ZPLD1: variants seen among roughly 807,000 people sequenced by gnomAD.
The protein encoded by ZPLD1 is zona pellucida like domain containing 1, also known as zona pellucida-like domain-containing protein 1.
Under a neutral mutation model 47.2 loss-of-function variants are expected in ZPLD1, and 34 were observed. That is an observed-to-expected ratio of 0.72 (90% CI 0.55 to 0.96). The LOEUF is 0.96. Among genes scored for constraint, ZPLD1 ranks in the 40% least tolerant of loss-of-function variants. The pLI is 0.00. For synonymous variants in ZPLD1, 176 were observed against 186.2 expected (o/e 0.95, Z 0.45); for missense variants, 512 against 505.8 (o/e 1.01, Z -0.12).
At chr3:102,445,437 T>G (rs765603076) in intron 3 of ZPLD1, among the ~76,000 whole-genome samples, 2 of 152,134 alleles carry the variant, frequency 1.3e-5, no homozygotes, top group African/African-American at 4.8e-5. Context: ...AAATAGATAT[T>G]TGTTAAGAGG....
intron 7 of ZPLD1, among the ~76,000 whole-genome samples, chr3:102,413,877 T>C (rs2107300977): frequency 6.6e-6 from 1 of 151,930 alleles, no homozygotes; most frequent in Admixed American, 6.6e-5. Context: ...TCATATAAAA[T>C]TTGGGTGATT....
intron 3 of ZPLD1, among the ~76,000 whole-genome samples, chr3:102,448,519 T>C (rs1450721331): frequency 6.6e-6 from 1 of 152,168 alleles, no homozygotes; most frequent in African/African-American, 2.4e-5. Flanking sequence ...CTTTAGTACC[T>C]ACAACCAGGA....
At position 102,438,577 on chromosome 3, in the gene ZPLD1, C is replaced by A. The variant is rs1164311852; in HGVS notation, c.90C>A (p.Leu30=). Residue 30 remains leucine (L), a synonymous_variant, in exon 3 of 12, where the codon CTC becomes CTA. Coordinates refer to ENST00000466937, the MANE Select transcript of ZPLD1 (RefSeq NM_001329788.2). ...ACGGCTACAACTGTGATGCCAACCT[C>A]CACAGTAGATTTCCTGGTAAGTGTA... ...QFNGYNCDAN[L]HSRFPAERDI... The A allele has an allele frequency of 1.2e-6, 2 of 1,612,160 alleles. No individual in the cohort carries two copies. Among genetic ancestry groups the A allele is most frequent in the Non-Finnish European group, 1.7e-6 (2 of 1,178,250 alleles).
intron 10 of ZPLD1, among the ~76,000 whole-genome samples, chr3:102,475,676 T>G (rs1210073393): frequency 6.6e-6 from 1 of 152,150 alleles, no homozygotes. Context: ...GAATGTTGTA[T>G]AATAAAAATG....
chr3:102,423,059 C>G (rs1163978985), intron 8 of ZPLD1, among the ~76,000 whole-genome samples: 1 of 151,982 alleles, frequency 6.6e-6, no homozygotes, highest in Non-Finnish European at 1.5e-5. Context: ...CCTTTTTTCC[C>G]TACAATTGTT....
At chr3:102,392,399 C>G (rs547965225) in intron 7 of ZPLD1, among the ~76,000 whole-genome samples, 51 of 152,230 alleles carry the variant, frequency 3.4e-4, no homozygotes, top group African/African-American at 1.2e-3. Flanking sequence ...GTCAAGGGAC[C>G]ATAAATGATG....
intron 7 of ZPLD1, among the ~76,000 whole-genome samples, chr3:102,407,436 TATATATAC>T (rs1706702639): frequency 8.8e-6 from 1 of 113,942 alleles, no homozygotes; most frequent in African/African-American, 3.4e-5. Flanking sequence ...TATATATATA[TATATATAC>T]ACACATATGC....
At chr3:102,415,785 C>A (rs1327341348) in intron 7 of ZPLD1, among the ~76,000 whole-genome samples, 2 of 151,740 alleles carry the variant, frequency 1.3e-5, no homozygotes, top group Non-Finnish European at 2.9e-5. Context: ...GTAATTCAGT[C>A]ATTGAGAGTT....
intron 3 of ZPLD1, among the ~76,000 whole-genome samples, chr3:102,452,332 T>C (rs969023855): frequency 6.6e-6 from 1 of 151,884 alleles, no homozygotes; most frequent in African/African-American, 2.4e-5. Flanking sequence ...TTTTTGTTCA[T>C]AATATCAACA....
Position 102,388,467 on chromosome 3 carries a change from G to C in ZPLD1, c.-213+3150G>C, listed in dbSNP as rs879657360. Among the ~76,000 whole-genome samples the C allele has an allele frequency of 1.2e-3, 148 of 127,288 alleles. 3 individuals are homozygous for C. The highest frequency in any genetic ancestry group is 7.5e-3 in the East Asian group (38 of 5,092). The allele number at this position is 127,288 out of a possible 152,430, so 83.5% of individuals were successfully genotyped here. A position where few individuals can be genotyped will look rare whatever the true frequency, so the allele number is the denominator to read the frequency against. Reference sequence around the variant, plus strand: ...TCTCTCTCTCTGTCTGTGTGTGTGTGTGTGTGTGTGTGTGTGTCTTTCTGT... The same window carrying C: ...TCTCTCTCTCTGTCTGTGTGTGTGTCTGTGTGTGTGTGTGTGTCTTTCTGT... On this transcript the variant is annotated intron_variant, in intron 6 of 17. Coordinates refer to the ZPLD1 transcript ENST00000491959.
chr3:102,439,102 AT>A (rs1288181259), intron 3 of ZPLD1, among the ~76,000 whole-genome samples: 1 of 152,240 alleles, frequency 6.6e-6, no homozygotes, highest in African/African-American at 2.4e-5. Context: ...GGCAACATTG[AT>A]GGGCATGTCC....
intron 7 of ZPLD1, among the ~76,000 whole-genome samples, chr3:102,394,681 G>A (rs375327020): frequency 7.9e-4 from 121 of 152,210 alleles, no homozygotes; most frequent in African/African-American, 2.8e-3. Context: ...CTTAGGATGC[G>A]GTCATCTGTG....
chr3:102,386,688 A>C (rs1706428443), intron 6 of ZPLD1, among the ~76,000 whole-genome samples: 1 of 152,178 alleles, frequency 6.6e-6, no homozygotes, highest in Admixed American at 6.5e-5. Context: ...ATTAAAGACA[A>C]ATTGAAATCA....
chr3:102,468,870 T>C (rs1707638020), intron 8 of ZPLD1, 94 bp from the exon 9 acceptor site: 3 of 1,188,912 alleles, frequency 2.5e-6, no homozygotes, highest in Non-Finnish European at 1.2e-6. Flanking sequence ...CTTAATGTAA[T>C]GGCGGAGTCT....
intron 7 of ZPLD1, among the ~76,000 whole-genome samples, chr3:102,417,200 T>G (rs1221319904): frequency 6.6e-6 from 1 of 152,114 alleles, no homozygotes; most frequent in East Asian, 1.9e-4. Flanking sequence ...TGTGCTTTTT[T>G]CAGGGTAGCC....
chr3:102,438,639 AT>A, intron 3 of ZPLD1, 46 bp downstream of exon 3: 1 of 1,444,204 alleles, frequency 6.9e-7, no homozygotes, highest in Non-Finnish European at 9.7e-7. Flanking sequence ...TGGAAGAGTG[AT>A]TATATTTGAA....
intron 10 of ZPLD1, among the ~76,000 whole-genome samples, chr3:102,470,723 C>CAT (rs1707669634): frequency 7.4e-6 from 1 of 135,738 alleles, no homozygotes; most frequent in South Asian, 2.2e-4. Flanking sequence ...TTCACACACA[C>CAT]ATACACACAC....
intron 3 of ZPLD1, among the ~76,000 whole-genome samples, chr3:102,446,076 T>C (rs1449198714): frequency 6.6e-6 from 1 of 152,216 alleles, no homozygotes; most frequent in Non-Finnish European, 1.5e-5. Flanking sequence ...ATTTTGTTTG[T>C]AAATGTTGGA....
chr3:102,388,429 GTCTC>G lies in ZPLD1; in HGVS notation c.-213+3132_-213+3135del, dbSNP rs71781267. ...ATATTATTGGATTTTCTCTCCTGGA[GTCTC>G]TCTCTCTCTCTCTCTCTCTGTCTGT... On this transcript the variant is annotated intron_variant, in intron 6 of 17. Coordinates refer to the ZPLD1 transcript ENST00000491959. Among the ~76,000 whole-genome samples, 85 of 135,914 alleles carry G rather than the reference GTCTC, an allele frequency of 6.3e-4. 1 individual carries two copies. The highest frequency in any genetic ancestry group is 1.2e-3 in the East Asian group (6 of 4,992). The allele number at this position is 135,914 out of a possible 152,430, so 89.2% of individuals were successfully genotyped here.
Sources: allele counts gnomAD v4.1 joint callset (sites outside exome capture counted in the v4.1 genomes callset), GRCh38; gene constraint gnomAD v4.1.1; transcripts MANE v1.5; gene names NCBI Gene and HGNC (gene_info 2026-07-23, HGNC 2026-07-21).